Variants in CFAP95 observed in about 807,000 individuals in gnomAD.
The protein encoded by CFAP95 is cilia- and flagella-associated protein 95.
At chr9:69,842,148 C>G in the CFAP95 span, among the ~76,000 whole-genome samples, 1 of 152,140 alleles carries the variant, frequency 6.6e-6, no homozygotes, top group African/African-American at 2.4e-5. Flanking sequence ...TTTCCAGGAA[C>G]CCAGGTGGAG....
At chr9:69,856,972 C>A in the CFAP95 span, among the ~76,000 whole-genome samples, 2 of 145,936 alleles carry the variant, frequency 1.4e-5, no homozygotes, top group East Asian at 4.2e-4. Flanking sequence ...AGGTTTGAAC[C>A]CCAGCTCTAC....
At chr9:69,883,598 A>G in the CFAP95 span, among the ~76,000 whole-genome samples, 3 of 152,196 alleles carry the variant, frequency 2.0e-5, no homozygotes, top group South Asian at 2.1e-4. Context: ...GGATTTCCTC[A>G]TGGTTCAGTC....
chr9:69,871,077 G>A, the CFAP95 span, among the ~76,000 whole-genome samples: 1 of 152,092 alleles, frequency 6.6e-6, no homozygotes, highest in Non-Finnish European at 1.5e-5. Context: ...AAGTTAGCCA[G>A]CATGGTGGCA....
At chr9:69,851,698 G>C in the CFAP95 span, among the ~76,000 whole-genome samples, 1 of 152,000 alleles carries the variant, frequency 6.6e-6, no homozygotes, top group Non-Finnish European at 1.5e-5. Context: ...TTCTGCTAGA[G>C]ACAGGAAAAG....
the CFAP95 span, among the ~76,000 whole-genome samples, chr9:69,898,655 T>G: frequency 6.6e-6 from 1 of 152,190 alleles, no homozygotes; most frequent in East Asian, 1.9e-4. Context: ...ATTGATACAG[T>G]GCAATTATAC....
the CFAP95 span, among the ~76,000 whole-genome samples, chr9:69,900,767 G>GT: frequency 6.6e-6 from 1 of 152,190 alleles, no homozygotes. Flanking sequence ...ATGAGTCTTA[G>GT]TGGTTCCCTC....
chr9:69,892,536 C>T, the CFAP95 span, among the ~76,000 whole-genome samples: 1 of 152,168 alleles, frequency 6.6e-6, no homozygotes, highest in Non-Finnish European at 1.5e-5. Flanking sequence ...ATGATACGGA[C>T]AGCAGGTAGG....
At chr9:69,822,554 C>A in the CFAP95 span, among the ~76,000 whole-genome samples, 1 of 152,340 alleles carries the variant, frequency 6.6e-6, no homozygotes, top group East Asian at 1.9e-4. Context: ...TCTTCTGTGA[C>A]TCTGTTACCC....
the CFAP95 span, among the ~76,000 whole-genome samples, chr9:69,842,950 T>C: frequency 2.0e-5 from 3 of 152,116 alleles, no homozygotes; most frequent in African/African-American, 4.8e-5. Flanking sequence ...TTAATGGGAA[T>C]GTAGTGCAGG....
At chr9:69,836,641 A>G in the CFAP95 span, among the ~76,000 whole-genome samples, 25,019 of 150,828 alleles carry the variant, frequency 0.17, 2,622 homozygotes, top group Admixed American at 0.24. Flanking sequence ...AAAGTATCCA[A>G]ATTCCTATGA....
chr9:69,900,744 T>A, the CFAP95 span, among the ~76,000 whole-genome samples: 2 of 152,188 alleles, frequency 1.3e-5, no homozygotes, highest in Admixed American at 6.5e-5. Context: ...AAAACAAAAG[T>A]GGCTCAAGAT....
At chr9:69,844,122 A>T in the CFAP95 span, among the ~76,000 whole-genome samples, 1 of 152,152 alleles carries the variant, frequency 6.6e-6, no homozygotes, top group Non-Finnish European at 1.5e-5. Context: ...TTTTGAAAAA[A>T]ATTGTAATTA....
chr9:69,822,260 G>A, the CFAP95 span, among the ~76,000 whole-genome samples: 1 of 152,184 alleles, frequency 6.6e-6, no homozygotes, highest in Admixed American at 6.5e-5. Flanking sequence ...GAGTGATTTT[G>A]ACTCTAGCCC....
the CFAP95 span, among the ~76,000 whole-genome samples, chr9:69,879,660 C>T: frequency 2.6e-5 from 4 of 152,294 alleles, no homozygotes; most frequent in South Asian, 4.1e-4. Flanking sequence ...CAGCCTCTAT[C>T]AGCTGGCTGA....
chr9:69,842,299 G>A, the CFAP95 span, among the ~76,000 whole-genome samples: 1 of 152,152 alleles, frequency 6.6e-6, no homozygotes, highest in Non-Finnish European at 1.5e-5. Context: ...GGGAAGGAGA[G>A]TGTTTCTGCA....
the CFAP95 span, among the ~76,000 whole-genome samples, chr9:69,838,212 C>T: frequency 3.7e-4 from 57 of 152,122 alleles, no homozygotes; most frequent in Non-Finnish European, 6.3e-4. Context: ...CTTGGCAATG[C>T]GGGCTCTTTT....
chr9:69,837,934 T>G, the CFAP95 span, among the ~76,000 whole-genome samples: 1 of 152,348 alleles, frequency 6.6e-6, no homozygotes, highest in East Asian at 1.9e-4. Context: ...GGATCCAGTT[T>G]CAGCTTTCTA....
At chr9:69,850,498 T>A in the CFAP95 span, among the ~76,000 whole-genome samples, 3 of 152,224 alleles carry the variant, frequency 2.0e-5, no homozygotes, top group African/African-American at 7.2e-5. Context: ...TAAAAACTAA[T>A]GTCCTAAAAG....
the CFAP95 span, chr9:69,906,184 G>A: frequency 7.0e-7 from 1 of 1,423,060 alleles, no homozygotes. Flanking sequence ...AATGGATGTA[G>A]CAGTTGATGA....
Sources: allele counts gnomAD v4.1 joint callset (sites outside exome capture counted in the v4.1 genomes callset), GRCh38; gene constraint gnomAD v4.1.1; transcripts MANE v1.5; gene names NCBI Gene and HGNC (gene_info 2026-07-23, HGNC 2026-07-21).